LRRC4C: variants seen among roughly 807,000 people sequenced by gnomAD.
LRRC4C encodes the protein leucine-rich repeat-containing protein 4C.
LRRC4C carries 5 observed loss-of-function variants against 33.6 expected under a neutral mutation model. The ratio of observed to expected loss-of-function variants is 0.15; its 90% CI spans 0.08 to 0.31. The LOEUF is 0.31. LRRC4C is among the 10% of genes least tolerant of loss of function. The pLI is 1.00. For synonymous variants in LRRC4C, 329 were observed against 302.0 expected (o/e 1.09, Z -0.93); for missense variants, 560 against 796.7 (o/e 0.70, Z 3.58).
intron 1 of LRRC4C, among the ~76,000 whole-genome samples, chr11:41,034,636 TATGA>T (rs1256326544): frequency 2.9e-5 from 4 of 137,000 alleles, no homozygotes; most frequent in Admixed American, 7.8e-5. Flanking sequence ...TATATATATA[TATGA>T]GGTGAGAGTT....
chr11:40,707,749 C>T (rs551855948), intron 2 of LRRC4C, among the ~76,000 whole-genome samples: 2 of 152,276 alleles, frequency 1.3e-5, no homozygotes, highest in East Asian at 3.9e-4. Context: ...AGGATTCCCT[C>T]TTTTTCTATT....
At chr11:40,841,549 G>A (rs1445311488) in intron 2 of LRRC4C, among the ~76,000 whole-genome samples, 1 of 152,178 alleles carries the variant, frequency 6.6e-6, no homozygotes, top group East Asian at 1.9e-4. Flanking sequence ...GGGAAAGGCT[G>A]CTTGAGGACA....
intron 1 of LRRC4C, among the ~76,000 whole-genome samples, chr11:41,234,811 G>A (rs1477092008): frequency 6.6e-6 from 1 of 152,034 alleles, no homozygotes; most frequent in East Asian, 1.9e-4. Flanking sequence ...GTTCTGAGAA[G>A]AGAGTAGTTT....
At chr11:40,175,393 T>G (rs776625451) in intron 5 of LRRC4C, among the ~76,000 whole-genome samples, 1 of 152,360 alleles carries the variant, frequency 6.6e-6, no homozygotes, top group African/African-American at 2.4e-5. Context: ...GGCTTGTCTC[T>G]GGGAAATCCT....
intron 2 of LRRC4C, among the ~76,000 whole-genome samples, chr11:40,798,222 C>T (rs1317632487): frequency 1.3e-5 from 2 of 152,192 alleles, no homozygotes; most frequent in African/African-American, 2.4e-5. Flanking sequence ...TTCTTGCCTG[C>T]CCTTGACCTT....
chr11:41,142,299 T>G (rs77562646), intron 1 of LRRC4C, among the ~76,000 whole-genome samples: 2,415 of 152,276 alleles, frequency 0.016, 57 homozygotes, highest in African/African-American at 0.055. Flanking sequence ...TTCAGAGAGC[T>G]TACAGTTCAG....
intron 1 of LRRC4C, among the ~76,000 whole-genome samples, chr11:41,192,853 A>C (rs1304730032): frequency 6.6e-6 from 1 of 152,152 alleles, no homozygotes; most frequent in Admixed American, 6.6e-5. Flanking sequence ...CAGGATAACA[A>C]GAGAAGCATC....
chr11:41,037,173 A>G (rs531159185), intron 1 of LRRC4C, among the ~76,000 whole-genome samples: 1 of 152,128 alleles, frequency 6.6e-6, no homozygotes, highest in African/African-American at 2.4e-5. Context: ...ACAAAATATT[A>G]TCTACTCGTT....
At chr11:40,266,723 G>GT (rs1472352511) in intron 4 of LRRC4C, among the ~76,000 whole-genome samples, 1 of 152,138 alleles carries the variant, frequency 6.6e-6, no homozygotes, top group Non-Finnish European at 1.5e-5. Flanking sequence ...TCTAAGGCTG[G>GT]TTTTATTAAC....
At chr11:40,682,679 G>A (rs1018981575) in intron 2 of LRRC4C, among the ~76,000 whole-genome samples, 1 of 151,864 alleles carries the variant, frequency 6.6e-6, no homozygotes, top group Non-Finnish European at 1.5e-5. Flanking sequence ...GGAGAGGCAT[G>A]AGAATCACTT....
chr11:40,885,276 T>C (rs1458703314), intron 2 of LRRC4C, among the ~76,000 whole-genome samples: 1 of 138,024 alleles, frequency 7.2e-6, no homozygotes, highest in African/African-American at 2.8e-5. Context: ...ATATGGACAC[T>C]GTATTTTTTA....
chr11:41,020,298 A>C (rs983340245), intron 1 of LRRC4C, among the ~76,000 whole-genome samples: 1 of 152,172 alleles, frequency 6.6e-6, no homozygotes, highest in Admixed American at 6.5e-5. Context: ...TGTTGTAGGT[A>C]GAATTATTAA....
At chr11:41,006,750 G>A (rs1854781733) in intron 1 of LRRC4C, among the ~76,000 whole-genome samples, 1 of 151,992 alleles carries the variant, frequency 6.6e-6, no homozygotes, top group African/African-American at 2.4e-5. Flanking sequence ...AAAGCTTCAA[G>A]GATTAAATAA....
In LRRC4C at chr11:40,395,622, T is replaced by G. The variant is rs193203794; in HGVS notation, c.-269-75901A>C. Among the ~76,000 whole-genome samples, 11 of 152,278 alleles carry G rather than the reference T, an allele frequency of 7.2e-5. No individual in the cohort carries two copies. In the East Asian group the frequency reaches 1.9e-3, roughly 27 times the overall value. The stretch of plus-strand genomic sequence containing the variant: ...TAACTTTTTTGAGTCTATATTTATC[T>G]AAAAATGGGAATCCAACTTTTTTGT... On this transcript the variant is annotated intron_variant, in intron 3 of 6. Transcript: ENST00000528697.
At chr11:40,511,507 G>C (rs756135729) in intron 3 of LRRC4C, among the ~76,000 whole-genome samples, 1 of 152,140 alleles carries the variant, frequency 6.6e-6, no homozygotes, top group Non-Finnish European at 1.5e-5. Flanking sequence ...CTATAAAATG[G>C]GAGATTTTCC....
intron 3 of LRRC4C, among the ~76,000 whole-genome samples, chr11:40,474,017 G>T (rs952758930): frequency 3.3e-5 from 5 of 152,120 alleles, no homozygotes; most frequent in Admixed American, 3.3e-4. Context: ...CATGAAAATG[G>T]CCATACTTCC....
In LRRC4C at chr11:40,652,112, C is replaced by T. The variant is rs577344920; in HGVS notation, c.-406-3834G>A. 3.3e-5 allele frequency among the ~76,000 whole-genome samples: 5 copies of T among 152,222 alleles called. No homozygotes were observed. The South Asian group carries it at 6.2e-4, about 19-fold the overall frequency. ...TTTCCTGAAAGCCACAAACATCCAC[C>T]GTGCACCTCCTGACTGTTAGGTACT... On this transcript the variant is annotated intron_variant, in intron 2 of 6. Transcript: ENST00000528697.
rs571769494 is a variant in LRRC4C, at chr11:41,442,544, A to C, written c.-496+16887T>G. On this transcript the variant is annotated intron_variant, in intron 1 of 6. Transcript: ENST00000528697. ...GAGTGCAGTGGCACAATCTCGGCTC[A>C]CTGCAAGCTCCGCCTCCTGGGTTCA... 3.5e-3 allele frequency among the ~76,000 whole-genome samples: 439 copies of C among 126,262 alleles called. 2 individuals are homozygous for C. Among genetic ancestry groups the C allele is most frequent in the African/African-American group, 0.013 (412 of 32,408 alleles). 82.8% of individuals were successfully genotyped at this position (126,262 alleles called of 152,430 possible). A position where few individuals can be genotyped will look rare whatever the true frequency, so the allele number is the denominator to read the frequency against.
At chr11:40,568,288 G>T (rs147862311) in intron 3 of LRRC4C, among the ~76,000 whole-genome samples, 214 of 152,262 alleles carry the variant, frequency 1.4e-3, no homozygotes, top group African/African-American at 4.8e-3. Context: ...AGCCTGTGAG[G>T]ACTCTACAGC....
Sources: allele counts gnomAD v4.1 joint callset (sites outside exome capture counted in the v4.1 genomes callset), GRCh38; gene constraint gnomAD v4.1.1; transcripts MANE v1.5; gene names NCBI Gene and HGNC (gene_info 2026-07-23, HGNC 2026-07-21).